Variants in TNNI3K observed in about 807,000 individuals in gnomAD.
The protein encoded by TNNI3K is TNNI3 interacting kinase.
Under a neutral mutation model 114.5 loss-of-function variants are expected in TNNI3K, and 140 were observed. The ratio of observed to expected loss-of-function variants is 1.22; its 90% CI spans 1.07 to 1.41. TNNI3K has a LOEUF of 1.41. Among genes scored for constraint, TNNI3K ranks in the 40% most tolerant of loss-of-function variants. The pLI is 0.00. For synonymous variants in TNNI3K, 347 were observed against 347.5 expected (o/e 1.00, Z 0.02); for missense variants, 1,125 against 1,007.6 (o/e 1.12, Z -1.58).
At position 74,261,247 on chromosome 1, in the gene TNNI3K, C is replaced by T. The variant is rs1023205021; in HGVS notation, c.334-10351C>T. ...CACTTACTTTGGCTCACATAAGCTA[C>T]AGCACATCCCCAATAACTAAAAGCT... On this transcript the variant is annotated intron_variant, in intron 4 of 24. Transcript: ENST00000326637. 2.0e-5 allele frequency among the ~76,000 whole-genome samples: 3 copies of T among 151,634 alleles called. No individual in the cohort carries two copies. The East Asian group carries it at 5.8e-4, about 29-fold the overall frequency.
At chr1:74,332,022 A>G (rs572182089) in intron 6 of TNNI3K, among the ~76,000 whole-genome samples, 4 of 152,300 alleles carry the variant, frequency 2.6e-5, no homozygotes, top group African/African-American at 9.6e-5. Context: ...AAGGCTCTAT[A>G]AAAACAATTA....
At chr1:74,399,884 A>C (rs1278531108) in intron 17 of TNNI3K, among the ~76,000 whole-genome samples, 1 of 152,196 alleles carries the variant, frequency 6.6e-6, no homozygotes, top group Non-Finnish European at 1.5e-5. Flanking sequence ...ATAAAATTTG[A>C]TGTCTACCAA....
At chr1:74,302,060 A>G (rs1291373460) in intron 5 of TNNI3K, among the ~76,000 whole-genome samples, 2 of 152,216 alleles carry the variant, frequency 1.3e-5, no homozygotes, top group African/African-American at 4.8e-5. Context: ...GCAGCTCTGC[A>G]TCAGTCCAGT....
At chr1:74,528,066 A>T (rs1646530379) in intron 23 of TNNI3K, among the ~76,000 whole-genome samples, 1 of 152,140 alleles carries the variant, frequency 6.6e-6, no homozygotes, top group Admixed American at 6.5e-5. Context: ...AAGCCCAGGA[A>T]GAACGTTATG....
Position 74,297,522 on chromosome 1 carries a change from C to T in TNNI3K, c.444+25814C>T, listed in dbSNP as rs77912894. ...TGGCATCTTGTCCAGTGTGTGTGTGCGTGTGTGTGTGTGTGTGTGTGTGTG... is the reference window on the plus strand; with the variant it reads ...TGGCATCTTGTCCAGTGTGTGTGTGTGTGTGTGTGTGTGTGTGTGTGTGTG... On this transcript the variant is annotated intron_variant, in intron 5 of 24. Coordinates refer to ENST00000326637, the MANE Select transcript of TNNI3K (RefSeq NM_015978.3). 6.0e-4 allele frequency among the ~76,000 whole-genome samples: 88 copies of T among 145,456 alleles called. 1 individual carries two copies. Among genetic ancestry groups the T allele is most frequent in the South Asian group, 2.0e-3 (9 of 4,438 alleles).
At chr1:74,429,111 A>T (rs551495603) in intron 17 of TNNI3K, among the ~76,000 whole-genome samples, 4 of 152,176 alleles carry the variant, frequency 2.6e-5, no homozygotes, top group African/African-American at 9.6e-5. Context: ...ATGAATAAGG[A>T]GCTAATCTCC....
chr1:74,488,529 A>G (rs898819840), intron 21 of TNNI3K, among the ~76,000 whole-genome samples: 2 of 152,206 alleles, frequency 1.3e-5, no homozygotes, highest in African/African-American at 4.8e-5. Context: ...AGAGGCCAAC[A>G]TTTTCTAAAA....
chr1:74,257,553 T>C (rs1422544646), intron 4 of TNNI3K, among the ~76,000 whole-genome samples: 1 of 152,096 alleles, frequency 6.6e-6, no homozygotes, highest in Non-Finnish European at 1.5e-5. Flanking sequence ...TCTTTCATTT[T>C]TGGCGGGTAG....
intron 20 of TNNI3K, among the ~76,000 whole-genome samples, chr1:74,456,619 C>A (rs1314622781): frequency 6.6e-6 from 1 of 152,152 alleles, no homozygotes; most frequent in African/African-American, 2.4e-5. Context: ...GGATCACTTT[C>A]AAATTATAGT....
In TNNI3K at chr1:74,436,073, T is replaced by A. The variant is rs199614433; in HGVS notation, c.1773-7T>A. 6.3e-7 allele frequency: 1 copy of A among 1,587,454 alleles called. No individual in the cohort carries two copies. Among genetic ancestry groups the A allele is most frequent in the African/African-American group, 1.4e-5 (1 of 72,544 alleles). On this transcript the variant is annotated splice_region_variant and splice_polypyrimidine_tract_variant and intron_variant, in intron 17 of 24. Coordinates refer to ENST00000326637, the MANE Select transcript of TNNI3K (RefSeq NM_015978.3). ...ATGTCTACTTTTTTTTTTTTTTTTT[T>A]TTACAGTCACAATATTCTTCTCTAT...
At chr1:74,472,741 C>A (rs923958234) in intron 21 of TNNI3K, among the ~76,000 whole-genome samples, 3 of 152,018 alleles carry the variant, frequency 2.0e-5, no homozygotes, top group South Asian at 2.1e-4. Context: ...ATAAAATGTT[C>A]ATTAAATATT....
chr1:74,370,682 C>A (rs1324778270), intron 17 of TNNI3K: 1 of 227,216 alleles, frequency 4.4e-6, no homozygotes, highest in Non-Finnish European at 8.5e-6. Context: ...AAGGTCACAT[C>A]AAGCAGTGAG....
At chr1:74,260,568 A>T (rs1655602095) in intron 4 of TNNI3K, among the ~76,000 whole-genome samples, 1 of 152,172 alleles carries the variant, frequency 6.6e-6, no homozygotes, top group Non-Finnish European at 1.5e-5. Flanking sequence ...GAAACAAATC[A>T]TATGCAGTAC....
At chr1:74,458,631 A>T (rs1667324346) in intron 20 of TNNI3K, among the ~76,000 whole-genome samples, 1 of 152,202 alleles carries the variant, frequency 6.6e-6, no homozygotes, top group Admixed American at 6.5e-5. Context: ...CATAATAATG[A>T]ATAAGATATT....
chr1:74,363,423 T>G (rs1450666974), intron 11 of TNNI3K, among the ~76,000 whole-genome samples: 1 of 152,038 alleles, frequency 6.6e-6, no homozygotes, highest in African/African-American at 2.4e-5. Context: ...ACCCAGGCAC[T>G]CATTAGGCTC....
At chr1:74,305,021 A>G (rs1179079520) in intron 5 of TNNI3K, among the ~76,000 whole-genome samples, 4 of 152,148 alleles carry the variant, frequency 2.6e-5, no homozygotes, top group East Asian at 1.9e-4. Context: ...GTTATTAATT[A>G]TAATAATATG....
chr1:74,309,366 C>CAA (rs71078188), intron 5 of TNNI3K, among the ~76,000 whole-genome samples: 1 of 24,082 alleles, frequency 4.2e-5, no homozygotes, highest in African/African-American at 1.8e-4. Context: ...GACTCTGTCT[C>CAA]AAAAAAAAAA....
At chr1:74,361,196 A>T (rs184962873) in intron 11 of TNNI3K, among the ~76,000 whole-genome samples, 2 of 152,192 alleles carry the variant, frequency 1.3e-5, no homozygotes. Context: ...TCCTCTTTCC[A>T]TGCATTGGAA....
At chr1:74,254,908 G>T (rs1191230724) in intron 4 of TNNI3K, among the ~76,000 whole-genome samples, 1 of 152,146 alleles carries the variant, frequency 6.6e-6, no homozygotes, top group Non-Finnish European at 1.5e-5. Context: ...GTGTTCTGCT[G>T]CAAGGGTTTG....
Sources: gnomAD v4.1 joint callset for allele counts (sites outside exome capture counted in the v4.1 genomes callset) on GRCh38, gnomAD v4.1.1 for gene constraint, MANE v1.5 for transcripts, NCBI Gene and HGNC (gene_info 2026-07-23, HGNC 2026-07-21) for gene names.